The following TAF1A variants were observed in gnomAD, a reference collection of about 807,000 sequenced individuals.
The protein encoded by TAF1A is TATA box-binding protein-associated factor RNA polymerase I subunit A.
Under a neutral mutation model 61.6 loss-of-function variants are expected in TAF1A, and 42 were observed. The observed-to-expected ratio is 0.68, with a 90% CI of 0.53 to 0.88. The LOEUF (loss-of-function observed/expected upper bound fraction) is 0.88, where lower values mean the gene tolerates loss of function less well. Ranked by LOEUF, TAF1A falls within the 40% of genes least tolerant of loss-of-function variation. TAF1A has a pLI of 0.00. For synonymous variants in TAF1A, 179 were observed against 177.7 expected, an observed-to-expected ratio of 1.01 and a Z score of -0.06; for missense variants, 424 against 518.7, an observed-to-expected ratio of 0.82 and a Z score of 1.77.
intron 10 of TAF1A, among the ~76,000 whole-genome samples, chr1:222,560,942 C>G (rs150864266): frequency 1.1e-4 from 17 of 152,136 alleles, no homozygotes; most frequent in Middle Eastern, 3.4e-3. Flanking sequence ...TATTCTTTCT[C>G]TTAAGTGGAG....
chr1:222,589,802 G>C lies in TAF1A; in HGVS notation c.-78C>G, dbSNP rs1052528419. 5.6e-6 allele frequency: 2 copies of C among 354,638 alleles called. No individual in the cohort carries two copies. Among genetic ancestry groups the C allele is most frequent in the Non-Finnish European group, 1.0e-5 (2 of 198,294 alleles). 22.0% of individuals were successfully genotyped at this position (354,638 alleles called of 1,614,324 possible). A position where few individuals can be genotyped will look rare whatever the true frequency, so the allele number is the denominator to read the frequency against. On this transcript the variant is annotated 5_prime_UTR_variant, in exon 1 of 11. Transcript: ENST00000352967. ...GGCCCACGTGAAGAAATTCCCACCG[G>C]AAGACGAGTTAGGAGAGCTTTATAT...
intron 2 of TAF1A, among the ~76,000 whole-genome samples, chr1:222,585,747 C>T (rs558008682): frequency 6.6e-6 from 1 of 152,094 alleles, no homozygotes; most frequent in South Asian, 2.1e-4. Flanking sequence ...TTGATACATA[C>T]TTTTATTGCA....
At chr1:222,585,455 T>C (rs1416227602) in intron 2 of TAF1A, among the ~76,000 whole-genome samples, 4 of 137,618 alleles carry the variant, frequency 2.9e-5, no homozygotes, top group Non-Finnish European at 6.3e-5. Context: ...ATAACTTTAT[T>C]AAAAAAAAAA....
At position 222,561,606 on chromosome 1, in the gene TAF1A, A is replaced by G. The variant is rs1197379982; in HGVS notation, c.1086-88T>C. 4 of 1,299,734 alleles carry G rather than the reference A, an allele frequency of 3.1e-6. No individual in the cohort carries two copies. In the African/African-American group the frequency reaches 4.5e-5, roughly 15 times the overall value. 80.5% of individuals were successfully genotyped at this position (1,299,734 alleles called of 1,614,324 possible). On this transcript the variant is annotated intron_variant, in intron 9 of 10. Transcript: ENST00000352967. ...TTAGACTTAACTAGAGTCTACAGAA[A>G]GATGACAAGGAAGATGCTTCCAAGC...
chr1:222,555,385 C>T (rs1659713725), downstream of TAF1A, among the ~76,000 whole-genome samples: 1 of 152,116 alleles, frequency 6.6e-6, no homozygotes, highest in South Asian at 2.1e-4. Flanking sequence ...ACTGCTCAGC[C>T]TTATAAAAGG....
chr1:222,572,182 A>G (rs1660382641), intron 5 of TAF1A, among the ~76,000 whole-genome samples: 1 of 150,016 alleles, frequency 6.7e-6, no homozygotes, highest in Non-Finnish European at 1.5e-5. Flanking sequence ...TCCTGCCACT[A>G]TACTCCAGCA....
chr1:222,559,650 A>G (rs1039055900), intron 10 of TAF1A, among the ~76,000 whole-genome samples: 1 of 152,056 alleles, frequency 6.6e-6, no homozygotes, highest in Non-Finnish European at 1.5e-5. Flanking sequence ...TATTCCTGAA[A>G]CTAGTATGCC....
intron 1 of TAF1A, among the ~76,000 whole-genome samples, chr1:222,589,487 C>A (rs1043455469): frequency 6.6e-6 from 1 of 152,144 alleles, no homozygotes; most frequent in South Asian, 2.1e-4. Context: ...TTGAATCCGA[C>A]CCATCACGTG....
Position 222,569,530 on chromosome 1 carries a change from T to C in TAF1A, c.874A>G (p.Lys292Glu). ...TATACCTTAAGCACACTTATCAATT[T>C]TGATCTTGGTGCCTTCTGTCTCTTT... Reference protein sequence around the residue: ...FLKRQKAPRSKLISVLKILYQ... With the variant: ...FLKRQKAPRSELISVLKILYQ... The change falls in exon 7 of 11, where the codon AAA becomes GAA. Residue 292 changes from lysine to glutamate, a missense_variant. Coordinates refer to ENST00000352967, the MANE Select transcript of TAF1A (RefSeq NM_005681.4). 1 of 1,614,014 alleles carries C rather than the reference T, an allele frequency of 6.2e-7. No individual in the cohort carries two copies. Among genetic ancestry groups the C allele is most frequent in the South Asian group, 1.1e-5 (1 of 91,068 alleles).
chr1:222,558,607 C>A lies in TAF1A; in HGVS notation c.*53G>T. 1.1e-6 allele frequency: 1 copy of A among 914,922 alleles called. No homozygotes were observed. Among genetic ancestry groups the A allele is most frequent in the East Asian group, 2.7e-5 (1 of 37,674 alleles). 56.7% of individuals were successfully genotyped at this position (914,922 alleles called of 1,614,324 possible). A position where few individuals can be genotyped will look rare whatever the true frequency, so the allele number is the denominator to read the frequency against. On this transcript the variant is annotated 3_prime_UTR_variant, in exon 11 of 11. Transcript: ENST00000352967. ...CTACATAAATACATTCAATAACTAT[C>A]TACCAAGCTACTTACTGTGTAGCTA...
chr1:222,567,914 T>C (rs1226620406), intron 7 of TAF1A, among the ~76,000 whole-genome samples: 1 of 152,142 alleles, frequency 6.6e-6, no homozygotes, highest in Non-Finnish European at 1.5e-5. Context: ...AGACCTACAA[T>C]ATGAAGTATT....
chr1:222,575,799 C>G (rs1660547849), intron 5 of TAF1A, among the ~76,000 whole-genome samples: 1 of 152,176 alleles, frequency 6.6e-6, no homozygotes, highest in Non-Finnish European at 1.5e-5. Flanking sequence ...ATTGTTGCTA[C>G]AGAACTGTCA....
intron 3 of TAF1A, 58 bp from the exon 4 acceptor site, chr1:222,579,930 C>A: frequency 6.4e-7 from 1 of 1,562,934 alleles, no homozygotes; most frequent in South Asian, 1.2e-5. Flanking sequence ...CAATTTCTGT[C>A]TAAGATATTG....
intron 5 of TAF1A, among the ~76,000 whole-genome samples, chr1:222,572,092 G>A (rs754586212): frequency 2.0e-5 from 3 of 151,916 alleles, no homozygotes; most frequent in Non-Finnish European, 2.9e-5. Flanking sequence ...GGTGGCACAC[G>A]CCTGTAGTCC....
intron 4 of TAF1A, among the ~76,000 whole-genome samples, chr1:222,578,687 C>T (rs1660667118): frequency 6.6e-6 from 1 of 152,158 alleles, no homozygotes; most frequent in Non-Finnish European, 1.5e-5. Context: ...TCTCTAGTTC[C>T]AGAGAACTGG....
chr1:222,555,908 G>C (rs1344067687), downstream of TAF1A, among the ~76,000 whole-genome samples: 5 of 152,100 alleles, frequency 3.3e-5, no homozygotes, highest in Admixed American at 1.3e-4. Flanking sequence ...TCTTAAAATA[G>C]TCGTGACGAA....
intron 7 of TAF1A, among the ~76,000 whole-genome samples, chr1:222,567,109 C>G (rs1012107087): frequency 6.6e-6 from 1 of 152,184 alleles, no homozygotes; most frequent in African/African-American, 2.4e-5. Context: ...GAATATTATT[C>G]AGCCTTAAAT....
At chr1:222,583,688 A>C (rs1571828993) in intron 3 of TAF1A, among the ~76,000 whole-genome samples, 1 of 152,048 alleles carries the variant, frequency 6.6e-6, no homozygotes, top group South Asian at 2.1e-4. Flanking sequence ...AATACAAAAA[A>C]TTAGCCGGGC....
At chr1:222,569,739 T>A in intron 6 of TAF1A, 71 bp from the exon 7 acceptor site, 2 of 1,372,152 alleles carry the variant, frequency 1.5e-6, no homozygotes, top group Non-Finnish European at 2.0e-6. Flanking sequence ...ATACACAGCA[T>A]AAGTTTACTG....
Sources: gnomAD v4.1 joint callset for allele counts (sites outside exome capture counted in the v4.1 genomes callset) on GRCh38, gnomAD v4.1.1 for gene constraint, MANE v1.5 for transcripts, NCBI Gene and HGNC (gene_info 2026-07-23, HGNC 2026-07-21) for gene names.